Variants in PPM1E observed in about 807,000 individuals in gnomAD.
PPM1E encodes the protein protein phosphatase 1E.
A neutral mutation model predicts 65.9 loss-of-function variants in PPM1E; 20 were observed. The ratio of observed to expected loss-of-function variants is 0.30; its 90% confidence interval spans 0.21 to 0.44. PPM1E has a LOEUF of 0.44. Ranked by LOEUF, PPM1E falls within the 20% of genes least tolerant of loss-of-function variation. The probability of loss-of-function intolerance (pLI) is 1.00; values close to 1 mark genes in which losing one functional copy is unlikely to be tolerated. For synonymous variants in PPM1E, 352 were observed against 374.9 expected, an observed-to-expected ratio of 0.94 and a Z score of 0.70; for missense variants, 713 against 953.1, an observed-to-expected ratio of 0.75 and a Z score of 3.32.
chr17:58,960,577 C>T (rs1469445589), intron 2 of PPM1E, among the ~76,000 whole-genome samples: 2 of 152,032 alleles, frequency 1.3e-5, no homozygotes, highest in East Asian at 3.9e-4. Context: ...GAGCTCGAGA[C>T]CAGTCTGGCC....
intron 1 of PPM1E, among the ~76,000 whole-genome samples, chr17:58,840,994 A>T (rs547581823): frequency 2.0e-5 from 3 of 152,184 alleles, no homozygotes; most frequent in Non-Finnish European, 2.9e-5. Context: ...GAGGGACTAC[A>T]TGTAGAACAA....
intron 1 of PPM1E, among the ~76,000 whole-genome samples, chr17:58,918,059 AC>A (rs2051705413): frequency 6.6e-6 from 1 of 152,162 alleles, no homozygotes; most frequent in East Asian, 1.9e-4. Context: ...TAATTTTGTT[AC>A]TTCCCCCATC....
intron 1 of PPM1E, among the ~76,000 whole-genome samples, chr17:58,825,560 T>TTG (rs1567844993): frequency 2.0e-5 from 3 of 151,994 alleles, no homozygotes; most frequent in African/African-American, 7.3e-5. Flanking sequence ...TCTGTTGTTT[T>TTG]TTGTTGTTGT....
At chr17:58,867,637 C>T (rs1037125167) in intron 1 of PPM1E, among the ~76,000 whole-genome samples, 1 of 152,146 alleles carries the variant, frequency 6.6e-6, no homozygotes, top group African/African-American at 2.4e-5. Flanking sequence ...TTAGGCACTA[C>T]TTTTAAGAGC....
At chr17:58,764,677 G>A (rs559001272) in intron 1 of PPM1E, among the ~76,000 whole-genome samples, 1 of 152,132 alleles carries the variant, frequency 6.6e-6, no homozygotes, top group South Asian at 2.1e-4. Flanking sequence ...GAGTGTAGTG[G>A]CTCAATCATG....
chr17:58,783,769 G>A (rs1412835264), intron 1 of PPM1E, among the ~76,000 whole-genome samples: 1 of 151,458 alleles, frequency 6.6e-6, no homozygotes, highest in African/African-American at 2.4e-5. Flanking sequence ...GTGCAATGGC[G>A]TGATCTCGGC....
At chr17:58,903,259 G>C (rs949073866) in intron 1 of PPM1E, among the ~76,000 whole-genome samples, 1 of 152,104 alleles carries the variant, frequency 6.6e-6, no homozygotes, top group African/African-American at 2.4e-5. Flanking sequence ...AGCCTCCCAA[G>C]GTACTCCATC....
chr17:58,778,941 T>C (rs1318172418), intron 1 of PPM1E, among the ~76,000 whole-genome samples: 2 of 140,900 alleles, frequency 1.4e-5, no homozygotes, highest in East Asian at 2.0e-4. Flanking sequence ...TATATATATA[T>C]ATATATATAT....
chr17:58,876,765 C>T (rs1033047312), intron 1 of PPM1E, among the ~76,000 whole-genome samples: 2 of 152,106 alleles, frequency 1.3e-5, no homozygotes, highest in African/African-American at 2.4e-5. Flanking sequence ...ATATACCTGT[C>T]AGTTGACAAA....
At chr17:58,890,896 A>G (rs2051336586) in intron 1 of PPM1E, among the ~76,000 whole-genome samples, 1 of 152,158 alleles carries the variant, frequency 6.6e-6, no homozygotes, top group South Asian at 2.1e-4. Context: ...CATAATGGCA[A>G]GGACCTTTTC....
chr17:58,794,256 T>A (rs1031022009), intron 1 of PPM1E, among the ~76,000 whole-genome samples: 1 of 152,104 alleles, frequency 6.6e-6, no homozygotes, highest in Non-Finnish European at 1.5e-5. Flanking sequence ...ATTTTTAATT[T>A]TTTTTTAGAG....
At chr17:58,930,587 G>A (rs1598656977) in intron 1 of PPM1E, among the ~76,000 whole-genome samples, 1 of 152,138 alleles carries the variant, frequency 6.6e-6, no homozygotes, top group Non-Finnish European at 1.5e-5. Flanking sequence ...AGAACACAAA[G>A]TAGAGATAGG....
chr17:58,786,015 CTT>C (rs199866066), intron 1 of PPM1E, among the ~76,000 whole-genome samples: 10 of 139,044 alleles, frequency 7.2e-5, no homozygotes, highest in East Asian at 2.0e-4. Context: ...CACCTTTTCA[CTT>C]TTTTTTTTTT....
rs1480328966 is a variant in PPM1E at position 58,756,090 on chromosome 17, G to A, written c.93G>A (p.Pro31=). Residue 31 remains proline (P), a synonymous_variant, in exon 1 of 7, where the codon CCG becomes CCA. Coordinates refer to ENST00000308249, the MANE Select transcript of PPM1E (RefSeq NM_014906.5). ...EFRGPCGGGE[P]EPEPEPEPEP... is the part of the protein sequence containing the mutation. ...GCGGACCGTGCGGCGGCGGCGAGCC[G>A]GAGCCGGAACCCGAACCCGAACCCG... 4.4e-6 allele frequency: 7 copies of A among 1,593,570 alleles called. No individual in the cohort carries two copies. Among genetic ancestry groups the A allele is most frequent in the Middle Eastern group, 1.7e-4 (1 of 6,030 alleles).
chr17:58,815,663 G>A (rs548771958), intron 1 of PPM1E, among the ~76,000 whole-genome samples: 22 of 152,162 alleles, frequency 1.4e-4, no homozygotes, highest in Non-Finnish European at 2.8e-4. Flanking sequence ...ATCAAATGTC[G>A]ATTATGTACT....
intron 6 of PPM1E, among the ~76,000 whole-genome samples, chr17:58,978,953 AC>A (rs1359832748): frequency 2.0e-5 from 3 of 151,912 alleles, no homozygotes; most frequent in Non-Finnish European, 4.4e-5. Flanking sequence ...TACCCCAAGC[AC>A]CCTACTCTCC....
chr17:58,762,801 G>A (rs918734051), intron 1 of PPM1E, among the ~76,000 whole-genome samples: 2 of 151,370 alleles, frequency 1.3e-5, no homozygotes, highest in African/African-American at 2.4e-5. Context: ...GGGAGGCTGA[G>A]GCAGGAGAAT....
At chr17:58,800,298 T>C (rs1360174090) in intron 1 of PPM1E, among the ~76,000 whole-genome samples, 1 of 152,210 alleles carries the variant, frequency 6.6e-6, no homozygotes, top group Admixed American at 6.5e-5. Context: ...ATCCTTTTTA[T>C]ATACTGCTAG....
chr17:58,823,509 A>G (rs12952362), intron 1 of PPM1E, among the ~76,000 whole-genome samples: 37,697 of 152,096 alleles, frequency 0.25, 5,437 homozygotes, highest in Middle Eastern at 0.42. Flanking sequence ...TTATGCATCT[A>G]TAGTTACTCT....
Sources: gnomAD v4.1 joint callset for allele counts (sites outside exome capture counted in the v4.1 genomes callset) on GRCh38, gnomAD v4.1.1 for gene constraint, MANE v1.5 for transcripts, NCBI Gene and HGNC (gene_info 2026-07-23, HGNC 2026-07-21) for gene names.